The following ERC2 variants were observed in gnomAD, a reference collection of about 807,000 sequenced individuals.
ERC2 encodes the protein ERC protein 2.
ERC2 carries 42 observed loss-of-function variants against 114.8 expected under a neutral mutation model. That is an observed-to-expected ratio of 0.37 (90% CI 0.29 to 0.47). The LOEUF is 0.47. Among genes scored for constraint, ERC2 ranks in the 20% least tolerant of loss-of-function variants. The pLI, the probability that ERC2 is intolerant of heterozygous loss-of-function variation, is 0.99. For synonymous variants in ERC2, 454 were observed against 425.5 expected, an observed-to-expected ratio of 1.07 and a Z score of -0.82; for missense variants, 939 against 1,150.7, an observed-to-expected ratio of 0.82 and a Z score of 2.66.
chr3:56,353,131 T>A (rs2058613244), intron 2 of ERC2, among the ~76,000 whole-genome samples: 1 of 152,074 alleles, frequency 6.6e-6, no homozygotes, highest in Non-Finnish European at 1.5e-5. Context: ...TTTCACCACA[T>A]CCATTTTCAT....
At chr3:56,185,704 T>A (rs1367954257) in intron 3 of ERC2, among the ~76,000 whole-genome samples, 1 of 152,198 alleles carries the variant, frequency 6.6e-6, no homozygotes, top group Non-Finnish European at 1.5e-5. Flanking sequence ...CCACTTTCTA[T>A]TTCTAAAACT....
chr3:55,909,729 A>G (rs913525049), intron 13 of ERC2, among the ~76,000 whole-genome samples: 3 of 152,118 alleles, frequency 2.0e-5, no homozygotes, highest in African/African-American at 7.2e-5. Flanking sequence ...ACTCTGGGCA[A>G]ATTAAGAGAA....
intron 6 of ERC2, among the ~76,000 whole-genome samples, chr3:56,104,598 A>T (rs1319657374): frequency 6.6e-6 from 1 of 151,820 alleles, no homozygotes; most frequent in Non-Finnish European, 1.5e-5. Context: ...TGTGTCTTTG[A>T]ATGCGACAGG....
intron 2 of ERC2, among the ~76,000 whole-genome samples, chr3:56,415,964 C>A (rs1273024871): frequency 6.6e-6 from 1 of 152,164 alleles, no homozygotes; most frequent in Non-Finnish European, 1.5e-5. Context: ...CTTTTGTCAC[C>A]AAAGCACTCT....
chr3:56,106,756 T>A (rs1233999211), intron 6 of ERC2, among the ~76,000 whole-genome samples: 1 of 152,234 alleles, frequency 6.6e-6, no homozygotes, highest in Non-Finnish European at 1.5e-5. Context: ...AACTGGCTTA[T>A]ATTTATCAGC....
chr3:55,537,064 G>C (rs2054044332), intron 17 of ERC2, among the ~76,000 whole-genome samples: 1 of 152,240 alleles, frequency 6.6e-6, no homozygotes, highest in East Asian at 1.9e-4. Flanking sequence ...CTTTTCCCAA[G>C]TCACAGCCTT....
At chr3:55,790,474 C>T (rs2069909791) in intron 14 of ERC2, among the ~76,000 whole-genome samples, 2 of 152,292 alleles carry the variant, frequency 1.3e-5, no homozygotes, top group South Asian at 4.1e-4. Flanking sequence ...CAACAGAGTC[C>T]TACCGTTGAC....
chr3:55,898,256 C>T (rs1336246160), intron 13 of ERC2, among the ~76,000 whole-genome samples: 1 of 152,100 alleles, frequency 6.6e-6, no homozygotes, highest in African/African-American at 2.4e-5. Flanking sequence ...AAGAAAAAGG[C>T]TGTGGGGGTG....
intron 17 of ERC2, among the ~76,000 whole-genome samples, chr3:55,580,719 G>C (rs971980656): frequency 2.0e-5 from 3 of 152,054 alleles, no homozygotes; most frequent in Non-Finnish European, 4.4e-5. Flanking sequence ...GAACATTATT[G>C]GTTTGTTAAT....
intron 17 of ERC2, among the ~76,000 whole-genome samples, chr3:55,626,894 A>T (rs1403181218): frequency 6.6e-6 from 1 of 152,256 alleles, no homozygotes; most frequent in Non-Finnish European, 1.5e-5. Flanking sequence ...AAATGGAACC[A>T]ATATCTACTC....
chr3:56,308,400 G>A (rs2056354537), intron 2 of ERC2, among the ~76,000 whole-genome samples: 1 of 152,100 alleles, frequency 6.6e-6, no homozygotes, highest in Non-Finnish European at 1.5e-5. Context: ...AAAAAAGAAG[G>A]AAAAATACAC....
intron 15 of ERC2, among the ~76,000 whole-genome samples, chr3:55,707,654 C>CATAAA (rs1327566765): frequency 1.3e-5 from 2 of 152,200 alleles, no homozygotes; most frequent in African/African-American, 4.8e-5. Flanking sequence ...CTCCTGTTAA[C>CATAAA]ATAAAAAATA....
intron 7 of ERC2, among the ~76,000 whole-genome samples, chr3:56,039,531 C>T (rs1406333670): frequency 3.3e-5 from 5 of 152,016 alleles, no homozygotes; most frequent in African/African-American, 7.2e-5. Context: ...CCCATGTTCA[C>T]GAATTTGAAA....
chr3:56,194,072 G>T (rs924764010), intron 3 of ERC2, among the ~76,000 whole-genome samples: 6 of 152,018 alleles, frequency 3.9e-5, no homozygotes, highest in African/African-American at 1.5e-4. Flanking sequence ...CATGCCATAA[G>T]GTCCCTAATG....
intron 2 of ERC2, among the ~76,000 whole-genome samples, chr3:56,296,648 G>C (rs986044591): frequency 2.0e-5 from 3 of 152,138 alleles, no homozygotes; most frequent in East Asian, 1.9e-4. Flanking sequence ...TGAATGTCTT[G>C]AGAGAAGAGA....
chr3:55,620,660 C>T (rs1361088129), intron 17 of ERC2, among the ~76,000 whole-genome samples: 1 of 152,178 alleles, frequency 6.6e-6, no homozygotes, highest in Non-Finnish European at 1.5e-5. Context: ...AAAATGACAG[C>T]TGCACAGAGG....
At chr3:55,678,879 C>T (rs896277776) in intron 17 of ERC2, among the ~76,000 whole-genome samples, 7 of 152,136 alleles carry the variant, frequency 4.6e-5, no homozygotes, top group African/African-American at 1.7e-4. Context: ...CATCCAAGTC[C>T]TCCTGGCTTC....
At chr3:55,703,367 C>T (rs1388483277) in intron 15 of ERC2, among the ~76,000 whole-genome samples, 1 of 152,226 alleles carries the variant, frequency 6.6e-6, no homozygotes, top group Non-Finnish European at 1.5e-5. Context: ...GCTCTTCATG[C>T]TCTACCCCTT....
chr3:56,069,148 CT>C (rs1319290539), intron 7 of ERC2, among the ~76,000 whole-genome samples: 1 of 152,196 alleles, frequency 6.6e-6, no homozygotes, highest in African/African-American at 2.4e-5. Context: ...GTGTTAAGGT[CT>C]CCCACTATTA....
Sources: allele counts gnomAD v4.1 joint callset (sites outside exome capture counted in the v4.1 genomes callset), GRCh38; gene constraint gnomAD v4.1.1; transcripts MANE v1.5; gene names NCBI Gene and HGNC (gene_info 2026-07-23, HGNC 2026-07-21).